Variants in SMCHD1 observed in about 807,000 individuals in gnomAD.
SMCHD1 encodes the protein structural maintenance of chromosomes flexible hinge domain-containing protein 1.
A neutral mutation model predicts 254.7 loss-of-function variants in SMCHD1; 78 were observed. That is an observed-to-expected ratio of 0.31 (90% CI 0.26 to 0.37). The LOEUF (loss-of-function observed/expected upper bound fraction) is 0.37. Ranked by LOEUF, SMCHD1 falls within the 10% of genes least tolerant of loss-of-function variation. The pLI, the probability that SMCHD1 is intolerant of heterozygous loss-of-function variation, is 1.00. For synonymous variants in SMCHD1, 766 were observed against 794.9 expected, an observed-to-expected ratio of 0.96 and a Z score of 0.61; for missense variants, 1,840 against 2,408.1, an observed-to-expected ratio of 0.76 and a Z score of 4.94.
At chr18:2,676,468 T>A (rs746131826) in intron 5 of SMCHD1, among the ~76,000 whole-genome samples, 9 of 152,106 alleles carry the variant, frequency 5.9e-5, no homozygotes, top group Non-Finnish European at 1.3e-4. Context: ...GTGTTTCAGG[T>A]AGAAGAAGCA....
chr18:2,746,688 G>A (rs1325585931), intron 29 of SMCHD1, among the ~76,000 whole-genome samples: 2 of 152,136 alleles, frequency 1.3e-5, no homozygotes, highest in African/African-American at 4.8e-5. Context: ...AAGAGTAGGG[G>A]GTAGAAGCAG....
At chr18:2,750,884 G>A (rs1054061526) in intron 32 of SMCHD1, among the ~76,000 whole-genome samples, 1 of 151,924 alleles carries the variant, frequency 6.6e-6, no homozygotes, top group African/African-American at 2.4e-5. Context: ...ATCTATTTCA[G>A]GGAGATCTAT....
At chr18:2,690,896 C>G (rs2143079392) in intron 7 of SMCHD1, among the ~76,000 whole-genome samples, 1 of 148,640 alleles carries the variant, frequency 6.7e-6, no homozygotes, top group East Asian at 2.0e-4. Context: ...CATTTCTGAT[C>G]ATTTATTTTT....
intron 35 of SMCHD1, among the ~76,000 whole-genome samples, chr18:2,761,285 A>G (rs1015879679): frequency 5.3e-5 from 8 of 152,200 alleles, no homozygotes; most frequent in African/African-American, 1.9e-4. Context: ...GGAGGTGGGC[A>G]AGAGTTGAAA....
chr18:2,692,316 C>T (rs666255), intron 7 of SMCHD1, among the ~76,000 whole-genome samples: 3 of 152,072 alleles, frequency 2.0e-5, no homozygotes, highest in African/African-American at 7.3e-5. Context: ...TGGGAGGCTG[C>T]GGAGGGAGAA....
At chr18:2,704,506 A>C (rs117035772) in intron 13 of SMCHD1, among the ~76,000 whole-genome samples, 1 of 152,030 alleles carries the variant, frequency 6.6e-6, no homozygotes, top group Middle Eastern at 3.4e-3. Context: ...AGCAATGGGG[A>C]TAGTGTAAGC....
At chr18:2,671,155 CA>C (rs1270893888) in intron 3 of SMCHD1, among the ~76,000 whole-genome samples, 1 of 151,858 alleles carries the variant, frequency 6.6e-6, no homozygotes, top group Non-Finnish European at 1.5e-5. Context: ...AGGCTGGTCT[CA>C]AACCCCTGAC....
chr18:2,796,498 A>G lies in SMCHD1; in HGVS notation c.5970A>G (p.Arg1990=). ...TDCPVPPKRM[R]REATRQNRII... Reference sequence around the variant, plus strand: ...GTCCAGTTCCTCCTAAAAGAATGAGACGAGAAGCTACAAGACAAAATAGGT... The same window carrying G: ...GTCCAGTTCCTCCTAAAAGAATGAGGCGAGAAGCTACAAGACAAAATAGGT... Residue 1990 remains arginine, a synonymous_variant, in exon 47 of 48, where the codon AGA becomes AGG. Transcript: ENST00000320876. 6.3e-7 allele frequency: 1 copy of G among 1,599,372 alleles called. No homozygotes were observed. The highest frequency in any genetic ancestry group is 8.5e-7 in the Non-Finnish European group (1 of 1,172,410).
chr18:2,671,613 T>TTTTTGG (rs1451305348), intron 3 of SMCHD1, among the ~76,000 whole-genome samples: 1 of 148,956 alleles, frequency 6.7e-6, no homozygotes. Context: ...TTTTTTTTTT[T>TTTTTGG]GAGACAGAGT....
At chr18:2,753,477 T>C (rs1162115418) in intron 34 of SMCHD1, among the ~76,000 whole-genome samples, 1 of 152,198 alleles carries the variant, frequency 6.6e-6, no homozygotes, top group Non-Finnish European at 1.5e-5. Flanking sequence ...GATGTGTATA[T>C]TTAAATATAG....
At chr18:2,662,567 C>A (rs1396768112) in intron 1 of SMCHD1, among the ~76,000 whole-genome samples, 3 of 151,458 alleles carry the variant, frequency 2.0e-5, no homozygotes. Flanking sequence ...ATGGTGTGAA[C>A]CCGGGCGGCG....
chr18:2,740,179 T>G (rs2075323117), intron 27 of SMCHD1, among the ~76,000 whole-genome samples: 1 of 151,948 alleles, frequency 6.6e-6, no homozygotes, highest in Non-Finnish European at 1.5e-5. Flanking sequence ...TGAGAACATG[T>G]GGTGTTTGGT....
At chr18:2,723,940 C>A (rs2074977139) in intron 20 of SMCHD1, among the ~76,000 whole-genome samples, 1 of 152,024 alleles carries the variant, frequency 6.6e-6, no homozygotes, top group Non-Finnish European at 1.5e-5. Flanking sequence ...AGACTGCTAT[C>A]ATTTGCCACT....
chr18:2,778,001 A>G, intron 43 of SMCHD1, 86 bp downstream of exon 43: 1 of 1,074,092 alleles, frequency 9.3e-7, no homozygotes, highest in Non-Finnish European at 1.3e-6. Context: ...GAAAATTTAT[A>G]TTCTTATTTT....
At chr18:2,742,151 C>T (rs530185068) in intron 28 of SMCHD1, among the ~76,000 whole-genome samples, 1 of 152,278 alleles carries the variant, frequency 6.6e-6, no homozygotes, top group South Asian at 2.1e-4. Context: ...AAATCCATTG[C>T]CTTAGTATGG....
chr18:2,677,666 G>A (rs375943640), intron 5 of SMCHD1, among the ~76,000 whole-genome samples: 193 of 152,216 alleles, frequency 1.3e-3, no homozygotes, highest in Non-Finnish European at 1.8e-3. Flanking sequence ...TCGCTCTGTC[G>A]TTCAGGCTGG....
rs774078270 is a variant in SMCHD1 at position 2,703,688 on chromosome 18, A to G, written c.1648-4A>G. The G allele has an allele frequency of 2.6e-5, 41 of 1,600,860 alleles. No homozygotes were observed. The highest frequency in any genetic ancestry group is 1.8e-4 in the South Asian group (16 of 88,808). ...ATTTCATAAAACATTTTAAAATTCTACAGGAACAGCGAATGAAAATTGACA... is the reference window on the plus strand; with the variant it reads ...ATTTCATAAAACATTTTAAAATTCTGCAGGAACAGCGAATGAAAATTGACA... On this transcript the variant is annotated splice_region_variant and splice_polypyrimidine_tract_variant and intron_variant, in intron 12 of 47. Transcript: ENST00000320876.
Position 2,748,380 on chromosome 18 carries a change from G to GTGTGTGTGTGTGTATA in SMCHD1, c.3927+736_3927+737insGTGTGTGTGTATATGT, listed in dbSNP as rs561439889. On this transcript the variant is annotated intron_variant, in intron 30 of 47. Transcript: ENST00000320876. ...TGTGTGTGTGTGTGTGTGTGTGTGT[G>GTGTGTGTGTGTGTATA]TGTATATAAATTTTTTTTTTTTTTT... Among the ~76,000 whole-genome samples the GTGTGTGTGTGTGTATA allele has an allele frequency of 7.6e-4, 61 of 80,236 alleles. 2 individuals are homozygous for GTGTGTGTGTGTGTATA. The highest frequency in any genetic ancestry group is 3.8e-3 in the African/African-American group (56 of 14,548). 52.6% of individuals were successfully genotyped at this position (80,236 alleles called of 152,430 possible).
intron 17 of SMCHD1, among the ~76,000 whole-genome samples, chr18:2,716,032 T>C (rs1275718333): frequency 6.6e-6 from 1 of 152,246 alleles, no homozygotes; most frequent in Non-Finnish European, 1.5e-5. Context: ...TGCTTATTTT[T>C]AGTTTTGAAT....
Sources: allele counts gnomAD v4.1 joint callset (sites outside exome capture counted in the v4.1 genomes callset), GRCh38; gene constraint gnomAD v4.1.1; transcripts MANE v1.5; gene names NCBI Gene and HGNC (gene_info 2026-07-23, HGNC 2026-07-21).